Variants in SLC16A7 observed in about 807,000 individuals in gnomAD.
The protein encoded by SLC16A7 is monocarboxylate transporter 2.
SLC16A7 carries 33 observed loss-of-function variants against 34.9 expected under a neutral mutation model. The ratio of observed to expected loss-of-function variants is 0.94; its 90% confidence interval spans 0.72 to 1.26. The LOEUF is 1.26. SLC16A7 is among the 50% of genes most tolerant of loss of function. The pLI is 0.00. For synonymous variants in SLC16A7, 201 were observed against 206.6 expected, an observed-to-expected ratio of 0.97 and a Z score of 0.23; for missense variants, 573 against 578.1, an observed-to-expected ratio of 0.99 and a Z score of 0.09.
intron 2 of SLC16A7, among the ~76,000 whole-genome samples, chr12:59,696,841 A>G (rs1014401294): frequency 2.0e-5 from 3 of 151,958 alleles, no homozygotes; most frequent in African/African-American, 7.2e-5. Context: ...AGTAGTAGAT[A>G]AGAAAATGAA....
At chr12:59,721,038 C>A (rs758507066) in intron 3 of SLC16A7, among the ~76,000 whole-genome samples, 19 of 152,066 alleles carry the variant, frequency 1.2e-4, no homozygotes, top group Non-Finnish European at 2.4e-4. Flanking sequence ...GTAAACCACA[C>A]TCTAGGATTT....
At position 59,596,608 on chromosome 12, in the gene SLC16A7, G is replaced by A. The variant is rs1878411436; in HGVS notation, c.-130+372G>A. ...GGCGCGGTGCACCCCAGTCTCCCTG[G>A]CTCACGGGACTCCGAGGGCTGCTTC... On this transcript the variant is annotated intron_variant, in intron 1 of 5. Transcript: ENST00000547379. The surrounding 1 kb of genome is among the most constrained non-coding windows in gnomAD (Gnocchi z 5.0). 6.6e-6 allele frequency among the ~76,000 whole-genome samples: 1 copy of A among 151,926 alleles called. No individual in the cohort carries two copies. The highest frequency in any genetic ancestry group is 2.1e-4 in the South Asian group (1 of 4,814).
intron 2 of SLC16A7, among the ~76,000 whole-genome samples, chr12:59,703,125 G>C (rs1463284881): frequency 6.6e-6 from 1 of 151,950 alleles, no homozygotes; most frequent in Non-Finnish European, 1.5e-5. Flanking sequence ...AGGTTACTTT[G>C]AGTATCATGC....
At chr12:59,682,334 G>C (rs1473014914) in intron 2 of SLC16A7, among the ~76,000 whole-genome samples, 1 of 152,102 alleles carries the variant, frequency 6.6e-6, no homozygotes, top group Non-Finnish European at 1.5e-5. Context: ...TTAGGGGACA[G>C]AAGACTATTA....
At position 59,634,317 on chromosome 12, in the gene SLC16A7, T is replaced by C. The variant is rs141775403; in HGVS notation, c.-129-20835T>C. ...CAGTGCTTTTAAATGTTGTTTATTT[T>C]GTTAAAGAAAAAAAATTATTCAATA... is the stretch of plus-strand genomic sequence containing the variant. On this transcript the variant is annotated intron_variant, in intron 1 of 5. Coordinates refer to ENST00000547379, the MANE Select transcript of SLC16A7 (RefSeq NM_001270623.2). Among the ~76,000 whole-genome samples, 484 of 152,150 alleles carry C rather than the reference T, an allele frequency of 3.2e-3. 1 individual carries two copies. The highest frequency in any genetic ancestry group is 5.2e-3 in the Non-Finnish European group (352 of 67,962).
Position 59,765,052 on chromosome 12 carries a change from T to C in SLC16A7, c.218-6167T>C, listed in dbSNP as rs545773152. Among the ~76,000 whole-genome samples, 14 of 152,346 alleles carry C rather than the reference T, an allele frequency of 9.2e-5. No homozygotes were observed. In the East Asian group the frequency reaches 2.5e-3, roughly 27 times the overall value. The stretch of plus-strand genomic sequence containing the variant: ...ACTGGTGTGAGATGGTATCTCATTG[T>C]GGTTTTGATTTGCATTTCTCTGATG... On this transcript the variant is annotated intron_variant, in intron 3 of 5. Transcript: ENST00000547379.
chr12:59,742,861 A>C (rs1410172229), intron 3 of SLC16A7, among the ~76,000 whole-genome samples: 1 of 152,154 alleles, frequency 6.6e-6, no homozygotes, highest in African/African-American at 2.4e-5. Context: ...ATGCACAGTT[A>C]ATTTTCTTCA....
At chr12:59,613,210 A>T (rs900449773) in intron 1 of SLC16A7, among the ~76,000 whole-genome samples, 7 of 152,260 alleles carry the variant, frequency 4.6e-5, no homozygotes, top group African/African-American at 1.7e-4. Flanking sequence ...TGATGGCAGG[A>T]AAGAGAAGTG....
rs1869811210 is a variant in SLC16A7 at position 59,671,948 on chromosome 12, T to TAC, written c.-31+16699_-31+16700insCA. 3.3e-5 allele frequency among the ~76,000 whole-genome samples: 2 copies of TAC among 60,098 alleles called. 1 individual carries two copies. Among genetic ancestry groups the TAC allele is most frequent in the South Asian group, 7.6e-4 (2 of 2,640 alleles). The allele number at this position is 60,098 out of a possible 152,430, so 39.4% of individuals were successfully genotyped here. On this transcript the variant is annotated intron_variant, in intron 2 of 5. Coordinates refer to ENST00000547379, the MANE Select transcript of SLC16A7 (RefSeq NM_001270623.2). ...ATATATCCATATATGTATATATGTG[T>TAC]ATATATGTATATATGTGTATATATC...
intron 3 of SLC16A7, among the ~76,000 whole-genome samples, chr12:59,723,119 T>A (rs1318711348): frequency 6.6e-6 from 1 of 151,970 alleles, no homozygotes. Flanking sequence ...TGTTCATTGC[T>A]GTATTCCTAG....
chr12:59,702,773 G>A (rs1005536492), intron 2 of SLC16A7, among the ~76,000 whole-genome samples: 7 of 152,036 alleles, frequency 4.6e-5, no homozygotes, highest in African/African-American at 1.2e-4. Context: ...CAGAGAGGAT[G>A]TAATAAAAAT....
intron 3 of SLC16A7, among the ~76,000 whole-genome samples, chr12:59,747,784 G>C (rs1428922101): frequency 2.0e-5 from 3 of 152,162 alleles, no homozygotes; most frequent in Non-Finnish European, 4.4e-5. Context: ...CTTAGTGTAA[G>C]AAGAAAAAGT....
At chr12:59,665,650 T>C (rs755084922) in intron 2 of SLC16A7, among the ~76,000 whole-genome samples, 1 of 152,096 alleles carries the variant, frequency 6.6e-6, no homozygotes, top group Non-Finnish European at 1.5e-5. Context: ...AAAAATATTG[T>C]ATACATTTAC....
Position 59,654,652 on chromosome 12 carries a change from A to C in SLC16A7, c.-129-500A>C, listed in dbSNP as rs532073856. Among the ~76,000 whole-genome samples the C allele has an allele frequency of 2.6e-5, 4 of 151,840 alleles. No individual in the cohort carries two copies. In the East Asian group the frequency reaches 7.8e-4, roughly 29 times the overall value. On this transcript the variant is annotated intron_variant, in intron 1 of 5. Coordinates refer to ENST00000547379, the MANE Select transcript of SLC16A7 (RefSeq NM_001270623.2). ...ATAGTTTTAATGTATTTATGTAAAA[A>C]ATTTCAAGATATTACTTTATAAACA...
At chr12:59,659,393 C>T (rs1394983901) in intron 2 of SLC16A7, among the ~76,000 whole-genome samples, 1 of 152,004 alleles carries the variant, frequency 6.6e-6, no homozygotes. Context: ...GGTAATTTCT[C>T]AACCCTCATC....
At chr12:59,706,889 C>T (rs1873650549) in intron 3 of SLC16A7, among the ~76,000 whole-genome samples, 1 of 151,690 alleles carries the variant, frequency 6.6e-6, no homozygotes, top group Admixed American at 6.6e-5. Flanking sequence ...TTGACTAACT[C>T]ATCAGTAGGA....
At chr12:59,625,973 C>T (rs1299262493) in intron 1 of SLC16A7, among the ~76,000 whole-genome samples, 1 of 151,786 alleles carries the variant, frequency 6.6e-6, no homozygotes, top group African/African-American at 2.4e-5. Flanking sequence ...GTTACATTGA[C>T]TGAGTTATAT....
At chr12:59,673,423 C>G (rs1176829261) in intron 2 of SLC16A7, among the ~76,000 whole-genome samples, 1 of 151,228 alleles carries the variant, frequency 6.6e-6, no homozygotes, top group African/African-American at 2.4e-5. Flanking sequence ...AAATTAAGCC[C>G]TAACTCAGTA....
At chr12:59,668,668 A>C (rs957656030) in intron 2 of SLC16A7, among the ~76,000 whole-genome samples, 11 of 152,154 alleles carry the variant, frequency 7.2e-5, no homozygotes, top group African/African-American at 2.7e-4. Flanking sequence ...TGCTGGAATG[A>C]ATTAAGACTT....
Sources: allele counts gnomAD v4.1 joint callset (sites outside exome capture counted in the v4.1 genomes callset), GRCh38; gene constraint gnomAD v4.1.1; non-coding constraint Gnocchi (gnomAD v3.1); transcripts MANE v1.5; gene names NCBI Gene and HGNC (gene_info 2026-07-23, HGNC 2026-07-21).